The following RBMS2 variants were observed in gnomAD, a reference collection of about 807,000 sequenced individuals.
RBMS2 encodes RNA binding motif single stranded interacting protein 2, also known as RNA-binding motif, single-stranded-interacting protein 2.
A neutral mutation model predicts 58.4 loss-of-function variants in RBMS2; 38 were observed. That is an observed-to-expected ratio of 0.65 (90% CI 0.50 to 0.85). RBMS2 has a LOEUF of 0.85. RBMS2 is among the 40% of genes least tolerant of loss of function. RBMS2 has a pLI of 0.00. For synonymous variants in RBMS2, 151 were observed against 180.7 expected (o/e 0.84, Z 1.32); for missense variants, 367 against 503.7 (o/e 0.73, Z 2.60).
At chr12:56,527,365 A>G (rs1309049931) in intron 1 of RBMS2, among the ~76,000 whole-genome samples, 1 of 152,192 alleles carries the variant, frequency 6.6e-6, no homozygotes, top group Non-Finnish European at 1.5e-5. Context: ...TAATCCCAGC[A>G]CTTTGGGAGG....
At chr12:56,573,052 T>C in intron 5 of RBMS2, 4 of 959,132 alleles carry the variant, frequency 4.2e-6, no homozygotes, top group South Asian at 4.8e-5. Context: ...GGAGATTCTT[T>C]TGACTTTTTT....
intron 9 of RBMS2, among the ~76,000 whole-genome samples, chr12:56,583,273 CA>C (rs1884226901): frequency 6.6e-6 from 1 of 152,200 alleles, no homozygotes; most frequent in Admixed American, 6.5e-5. Flanking sequence ...TTGCTTTCCA[CA>C]AAGGCTGTGT....
In RBMS2 at chr12:56,526,629, T is replaced by A. The variant is rs1395393777; in HGVS notation, c.66+4540T>A. ...AGATAATTTTGTGTTTTTTTTTTTT[T>A]AAACATCAGTTTTAATGCCCTTCAG... On this transcript the variant is annotated intron_variant, in intron 1 of 13. Transcript: ENST00000262031. Among the ~76,000 whole-genome samples the A allele has an allele frequency of 2.1e-5, 3 of 143,396 alleles. No homozygotes were observed. In the Admixed American group the frequency reaches 2.1e-4, roughly 10 times the overall value. The allele number at this position is 143,396 out of a possible 152,430, so 94.1% of individuals were successfully genotyped here.
chr12:56,572,843 T>C (rs1882521905), intron 5 of RBMS2: 2 of 984,116 alleles, frequency 2.0e-6, no homozygotes, highest in Admixed American at 1.2e-4. Flanking sequence ...ATATCAGAGC[T>C]TGTGAGCCTT....
intron 1 of RBMS2, among the ~76,000 whole-genome samples, chr12:56,560,260 ATT>A (rs34832534): frequency 2.1e-3 from 275 of 132,606 alleles, no homozygotes; most frequent in Non-Finnish European, 3.4e-3. Flanking sequence ...AACCTTCATA[ATT>A]TTTTTTTTTT....
intron 2 of RBMS2, among the ~76,000 whole-genome samples, chr12:56,567,989 G>C (rs1408845341): frequency 2.0e-5 from 3 of 152,124 alleles, no homozygotes; most frequent in African/African-American, 7.2e-5. Flanking sequence ...AAAATTTTAA[G>C]TGCTTACCAT....
At chr12:56,569,113 GT>G in intron 3 of RBMS2, 80 bp downstream of exon 3, 1 of 1,276,470 alleles carries the variant, frequency 7.8e-7, no homozygotes, top group South Asian at 1.2e-5. Context: ...ACTGCTGAGA[GT>G]CCTGAGTCTA....
chr12:56,529,447 C>T (rs1318316695), intron 1 of RBMS2, among the ~76,000 whole-genome samples: 1 of 151,630 alleles, frequency 6.6e-6, no homozygotes, highest in Non-Finnish European at 1.5e-5. Flanking sequence ...ACCTGTAGCC[C>T]CAGCTACTCG....
At chr12:56,565,667 G>A (rs1202719107) in intron 2 of RBMS2, among the ~76,000 whole-genome samples, 1 of 152,160 alleles carries the variant, frequency 6.6e-6, no homozygotes, top group Non-Finnish European at 1.5e-5. Context: ...GCAGGTGGGT[G>A]GAGCCCTCTG....
chr12:56,573,059 T>C lies in RBMS2; in HGVS notation c.542+1204T>C, dbSNP rs1272312333. 315 of 887,858 alleles carry C rather than the reference T, an allele frequency of 3.5e-4. 2 individuals carry two copies. In the African/African-American group the frequency reaches 5.3e-3, roughly 15 times the overall value. 55.0% of individuals were successfully genotyped at this position (887,858 alleles called of 1,614,324 possible). ...ATTTGAAAGGAGATTCTTTTGACTTTTTTTTTTTTTTTTAGTTTCAAAATG... is the reference window on the plus strand; with the variant it reads ...ATTTGAAAGGAGATTCTTTTGACTTCTTTTTTTTTTTTTAGTTTCAAAATG... On this transcript the variant is annotated intron_variant, in intron 5 of 13. Transcript: ENST00000262031.
At chr12:56,524,360 A>G (rs970890068) in intron 1 of RBMS2, among the ~76,000 whole-genome samples, 5 of 152,060 alleles carry the variant, frequency 3.3e-5, no homozygotes, top group Non-Finnish European at 5.9e-5. Context: ...GGCCATGCAT[A>G]TGACTCCTTT....
chr12:56,586,602 G>A (rs1480070622), intron 9 of RBMS2, among the ~76,000 whole-genome samples: 1 of 149,826 alleles, frequency 6.7e-6, no homozygotes, highest in Non-Finnish European at 1.5e-5. Context: ...GTCTCACTCT[G>A]TCGCCCAGGC....
At chr12:56,586,735 T>A in intron 9 of RBMS2, 114 bp from the exon 10 acceptor site, 1 of 813,850 alleles carries the variant, frequency 1.2e-6, no homozygotes, top group Non-Finnish European at 2.1e-6. Context: ...TTTCTTAATG[T>A]TTCTATTTTG....
chr12:56,553,187 G>A (rs544512046), intron 1 of RBMS2, among the ~76,000 whole-genome samples: 2 of 151,990 alleles, frequency 1.3e-5, no homozygotes, highest in East Asian at 3.9e-4. Flanking sequence ...AAAGTGCTGG[G>A]ATTACAGGCG....
At chr12:56,548,284 TA>T (rs1458248260) in intron 1 of RBMS2, among the ~76,000 whole-genome samples, 4 of 151,880 alleles carry the variant, frequency 2.6e-5, no homozygotes, top group African/African-American at 9.7e-5. Flanking sequence ...CCATCTCTAC[TA>T]AAAATACAAA....
At chr12:56,572,307 A>AG (rs1882438671) in intron 5 of RBMS2, among the ~76,000 whole-genome samples, 1 of 150,802 alleles carries the variant, frequency 6.6e-6, no homozygotes, top group South Asian at 2.1e-4. Context: ...AAAAAAAAAA[A>AG]AGGTTCATTT....
At position 56,587,541 on chromosome 12, in the gene RBMS2, T is replaced by C; in HGVS notation, c.952-13T>C. 4.3e-6 allele frequency: 7 copies of C among 1,612,432 alleles called. No homozygotes were observed. The highest frequency in any genetic ancestry group is 5.9e-6 in the Non-Finnish European group (7 of 1,178,998). ...ATGCTGCAGCTAACCCTGTCCTTTG[T>C]TGCTGCCTCTAGGGTTCAGTTCTGA... On this transcript the variant is annotated splice_polypyrimidine_tract_variant and intron_variant, in intron 10 of 13. Transcript: ENST00000262031.
intron 1 of RBMS2, among the ~76,000 whole-genome samples, chr12:56,559,460 A>G (rs1300420545): frequency 6.6e-6 from 1 of 150,996 alleles, no homozygotes; most frequent in East Asian, 2.0e-4. Flanking sequence ...TGCTGGGATT[A>G]CAGACGTGAG....
At position 56,591,137 on chromosome 12, in the gene RBMS2, C is replaced by T. The variant is rs144650731; in HGVS notation, c.*2004C>T. On this transcript the variant is annotated 3_prime_UTR_variant, in exon 14 of 14. Coordinates refer to ENST00000262031, the MANE Select transcript of RBMS2 (RefSeq NM_002898.4). ...TGCACTGAAAGGAGAATTTGACTCC[C>T]TTGCACTTCAAGGCCAGGTGCCTCT... The T allele has an allele frequency of 1.3e-5, 2 of 152,288 alleles. No homozygotes were observed. Among genetic ancestry groups the T allele is most frequent in the African/African-American group, 4.8e-5 (2 of 41,542 alleles). The allele number at this position is 152,288 out of a possible 1,614,324, so 9.4% of individuals were successfully genotyped here.
Sources: allele counts gnomAD v4.1 joint callset (sites outside exome capture counted in the v4.1 genomes callset), GRCh38; gene constraint gnomAD v4.1.1; transcripts MANE v1.5; gene names NCBI Gene and HGNC (gene_info 2026-07-23, HGNC 2026-07-21).